The following CARF variants were observed in gnomAD, a reference collection of about 807,000 sequenced individuals.
CARF encodes calcium responsive transcription factor.
Under a neutral mutation model 82.0 loss-of-function variants are expected in CARF, and 57 were observed. The observed-to-expected ratio is 0.70, with a 90% confidence interval of 0.56 to 0.87. CARF has a LOEUF of 0.87. Ranked by LOEUF, CARF falls within the 40% of genes least tolerant of loss-of-function variation. CARF has a pLI of 0.00. For synonymous variants in CARF, 268 were observed against 290.1 expected (o/e 0.92, Z 0.77); for missense variants, 771 against 855.8 (o/e 0.90, Z 1.24).
chr2:202,923,277 G>T (rs187538517), intron 2 of CARF, among the ~76,000 whole-genome samples: 2 of 152,046 alleles, frequency 1.3e-5, no homozygotes, highest in Non-Finnish European at 2.9e-5. Context: ...CAAAGTTTCC[G>T]GGTACAAAAT....
intron 2 of CARF, among the ~76,000 whole-genome samples, chr2:202,920,616 A>G (rs1293158156): frequency 1.3e-5 from 2 of 152,188 alleles, no homozygotes; most frequent in African/African-American, 4.8e-5. Flanking sequence ...GTGAGCCAAG[A>G]TCGCGCCATT....
At chr2:202,969,758 A>G (rs1373678512) in intron 10 of CARF, among the ~76,000 whole-genome samples, 161 bp from the exon 11 acceptor site, 1 of 152,184 alleles carries the variant, frequency 6.6e-6, no homozygotes, top group Admixed American at 6.5e-5. Context: ...TATTAATACA[A>G]CTGAGAATAT....
chr2:202,966,827 TGTATATGTAA>T, intron 9 of CARF, 141 bp from the exon 10 acceptor site: 1 of 590,980 alleles, frequency 1.7e-6, no homozygotes, highest in Non-Finnish European at 2.9e-6. Flanking sequence ...TTTATATGTT[TGTATATGTAA>T]GTAAGACTTA....
chr2:202,971,458 A>G (rs1024662475), intron 11 of CARF, 47 bp from the exon 12 acceptor site: 1 of 1,150,944 alleles, frequency 8.7e-7, no homozygotes, highest in East Asian at 2.6e-5. Flanking sequence ...ATATTAAATA[A>G]TTTTAATGTT....
chr2:202,918,817 G>A (rs1182558913), intron 2 of CARF, among the ~76,000 whole-genome samples: 1 of 152,112 alleles, frequency 6.6e-6, no homozygotes, highest in Non-Finnish European at 1.5e-5. Flanking sequence ...GGTTAGGTCA[G>A]TCATCATATT....
chr2:202,971,869 T>C, intron 12 of CARF, 131 bp downstream of exon 12: 1 of 536,670 alleles, frequency 1.9e-6, no homozygotes, highest in Non-Finnish European at 3.2e-6. Flanking sequence ...TTTATTAATT[T>C]ATTAAAATAA....
At chr2:202,981,424 A>G (rs949013372) in intron 14 of CARF, 131 bp from the exon 15 acceptor site, 36 of 664,364 alleles carry the variant, frequency 5.4e-5, no homozygotes, top group Non-Finnish European at 8.1e-5. Flanking sequence ...TAGATGACTT[A>G]TTGAAGTCCT....
In CARF at chr2:202,987,059, C is replaced by G. The variant is rs1196401085; in HGVS notation, c.*3435C>G. 1 of 149,870 alleles carries G rather than the reference C, an allele frequency of 6.7e-6. No individual in the cohort carries two copies. Among genetic ancestry groups the G allele is most frequent in the African/African-American group, 2.5e-5 (1 of 40,758 alleles). The allele number at this position is 149,870 out of a possible 1,614,324, so 9.3% of individuals were successfully genotyped here. On this transcript the variant is annotated 3_prime_UTR_variant, in exon 17 of 17. Transcript: ENST00000438828. ...AAGATGCTGAATAAACACTTGAATACCCGAGAATTTTGGCCAGAGATTTAT... is the reference window on the plus strand; with the variant it reads ...AAGATGCTGAATAAACACTTGAATAGCCGAGAATTTTGGCCAGAGATTTAT...
chr2:202,979,750 G>C (rs1282746275), intron 14 of CARF, among the ~76,000 whole-genome samples: 1 of 151,312 alleles, frequency 6.6e-6, no homozygotes, highest in African/African-American at 2.4e-5. Context: ...GCAATGAGCC[G>C]AGATTGCGTC....
In CARF at chr2:202,971,885, T is replaced by C. The variant is rs894870977; in HGVS notation, c.1331+147T>C. 18 of 513,518 alleles carry C rather than the reference T, an allele frequency of 3.5e-5. 1 individual carries two copies. The highest frequency in any genetic ancestry group is 3.1e-4 in the African/African-American group (16 of 52,442). 31.8% of individuals were successfully genotyped at this position (513,518 alleles called of 1,614,324 possible). On this transcript the variant is annotated intron_variant, in intron 12 of 16. Transcript: ENST00000438828. Reference sequence around the variant, plus strand: ...TTATTAATTTATTAAAATAATCTTATTTATAAACTGATCATTTTCTAACAA... The same window carrying C: ...TTATTAATTTATTAAAATAATCTTACTTATAAACTGATCATTTTCTAACAA...
At chr2:202,934,032 A>G (rs954952971) in intron 3 of CARF, among the ~76,000 whole-genome samples, 1 of 152,024 alleles carries the variant, frequency 6.6e-6, no homozygotes, top group South Asian at 2.1e-4. Flanking sequence ...AAATACACTA[A>G]TGTTAGCTGA....
Position 202,967,085 on chromosome 2 carries a change from A to G in CARF, c.940A>G (p.Thr314Ala), listed in dbSNP as rs765865361. Residue 314 changes from threonine (T) to alanine (A), a missense_variant, in exon 10 of 17, where the codon ACT becomes GCT. Coordinates refer to ENST00000438828, the MANE Select transcript of CARF (RefSeq NM_024744.17). ...ESRSCQLYKATCPARIYIKKV... is the reference protein window; with the variant it reads ...ESRSCQLYKAACPARIYIKKV... ...CAGGTCTTGTCAGCTCTACAAAGCC[A>G]CTTGTCCAGCTCGGTAAGCTTTATT... is the stretch of plus-strand genomic sequence containing the variant. The G allele has an allele frequency of 6.2e-7, 1 of 1,613,782 alleles. No homozygotes were observed. Among genetic ancestry groups the G allele is most frequent in the Non-Finnish European group, 8.5e-7 (1 of 1,179,928 alleles).
chr2:202,939,685 CTTTTTTTTTT>C (rs749966536), intron 3 of CARF, among the ~76,000 whole-genome samples: 2 of 104,894 alleles, frequency 1.9e-5, no homozygotes, highest in Non-Finnish European at 4.2e-5. Context: ...GCCTTTTTTT[CTTTTTTTTTT>C]TTTTTTTTTT....
chr2:202,971,622 A>T lies in CARF; in HGVS notation c.1215A>T (p.Ala405=). 1.2e-6 allele frequency: 2 copies of T among 1,613,634 alleles called. No individual in the cohort carries two copies. The highest frequency in any genetic ancestry group is 1.7e-6 in the Non-Finnish European group (2 of 1,179,732). ...PVSSLEEEET[A]VRDENCALPS... ...CTTCTCTTGAAGAAGAGGAAACTGC[A>T]GTTAGAGATGAGAATTGTGCATTAC... Residue 405 remains alanine (A), a synonymous_variant, in exon 12 of 17, where the codon GCA becomes GCT. Coordinates refer to ENST00000438828, the MANE Select transcript of CARF (RefSeq NM_024744.17).
At chr2:202,918,512 T>C (rs1284568884) in intron 2 of CARF, among the ~76,000 whole-genome samples, 1 of 151,802 alleles carries the variant, frequency 6.6e-6, no homozygotes, top group Non-Finnish European at 1.5e-5. Context: ...TACTGGGTGA[T>C]AGAGCAAGAC....
At chr2:202,959,750 A>G (rs2059221133) in intron 8 of CARF, among the ~76,000 whole-genome samples, 4 of 152,046 alleles carry the variant, frequency 2.6e-5, no homozygotes, top group Non-Finnish European at 5.9e-5. Context: ...TGAAGGTTGC[A>G]GTGAGATGAG....
At chr2:202,913,203 A>C (rs1246383213) in intron 1 of CARF, 101 bp downstream of exon 1, 1 of 152,178 alleles carries the variant, frequency 6.6e-6, no homozygotes, top group Non-Finnish European at 1.5e-5. Flanking sequence ...CCTAATATTT[A>C]AATAGAGAAT....
intron 13 of CARF, among the ~76,000 whole-genome samples, chr2:202,976,059 A>G (rs1220287134): frequency 1.3e-5 from 2 of 152,046 alleles, no homozygotes; most frequent in Admixed American, 6.6e-5. Context: ...AAATAAATAT[A>G]TATCCATCTA....
At chr2:202,980,980 A>G (rs1369399850) in intron 14 of CARF, among the ~76,000 whole-genome samples, 2 of 152,070 alleles carry the variant, frequency 1.3e-5, no homozygotes, top group African/African-American at 2.4e-5. Flanking sequence ...ATGGAGGGAC[A>G]ATCCCATTCT....
Sources: allele counts gnomAD v4.1 joint callset (sites outside exome capture counted in the v4.1 genomes callset), GRCh38; gene constraint gnomAD v4.1.1; transcripts MANE v1.5; gene names NCBI Gene and HGNC (gene_info 2026-07-23, HGNC 2026-07-21).